Variants in DDAH1 observed in about 807,000 individuals in gnomAD.
The protein encoded by DDAH1 is dimethylarginine dimethylaminohydrolase 1.
A neutral mutation model predicts 28.8 loss-of-function variants in DDAH1; 19 were observed. The ratio of observed to expected loss-of-function variants is 0.66; its 90% CI spans 0.46 to 0.97. The LOEUF (loss-of-function observed/expected upper bound fraction) is 0.97. Ranked by LOEUF, DDAH1 falls within the 50% of genes least tolerant of loss-of-function variation. The pLI, the probability that DDAH1 is intolerant of heterozygous loss-of-function variation, is 0.00. For synonymous variants in DDAH1, 153 were observed against 154.4 expected (o/e 0.99, Z 0.07); for missense variants, 326 against 375.9 (o/e 0.87, Z 1.10).
chr1:85,494,486 G>A (rs1425904216), intron 2 of DDAH1: 2 of 152,170 alleles, frequency 1.3e-5, no homozygotes, highest in African/African-American at 2.4e-5. Context: ...GGAGGGAGAG[G>A]TCATCTAGTG....
chr1:85,362,979 CT>C (rs1200968348), intron 1 of DDAH1, among the ~76,000 whole-genome samples: 2 of 152,264 alleles, frequency 1.3e-5, no homozygotes, highest in East Asian at 3.9e-4. Flanking sequence ...AAAACTCTCC[CT>C]AATATAAAAC....
chr1:85,360,454 CTTG>C, intron 1 of DDAH1, among the ~76,000 whole-genome samples: 1 of 152,188 alleles, frequency 6.6e-6, no homozygotes, highest in Non-Finnish European at 1.5e-5. Context: ...TTTACCATGA[CTTG>C]TTGGGCTACT....
At chr1:85,351,819 G>C (rs1285252722) in intron 2 of DDAH1, among the ~76,000 whole-genome samples, 10 of 152,138 alleles carry the variant, frequency 6.6e-5, no homozygotes, top group Admixed American at 5.2e-4. Context: ...AAGGGTAAAT[G>C]GGGAGTTATT....
At chr1:85,527,839 A>T (rs2100770078) in intron 1 of DDAH1, among the ~76,000 whole-genome samples, 1 of 152,334 alleles carries the variant, frequency 6.6e-6, no homozygotes, top group African/African-American at 2.4e-5. Context: ...ATTTTGAATT[A>T]CATTTTAAAG....
chr1:85,400,172 CTTTTCTTTTTTTTTTTTTTTT>C (rs1431213126), intron 1 of DDAH1, among the ~76,000 whole-genome samples: 5 of 34,230 alleles, frequency 1.5e-4, no homozygotes, highest in Admixed American at 1.2e-3. Flanking sequence ...CCTTTCTTTT[CTTTTCTTTTTTTTTTTTTTTT>C]TTTTTTTTTT....
rs372729975 is a variant in DDAH1, at chr1:85,321,419, G to A, written c.*33C>T. 74 of 1,423,404 alleles carry A rather than the reference G, an allele frequency of 5.2e-5. No individual in the cohort carries two copies. The highest frequency in any genetic ancestry group is 2.7e-4 in the Admixed American group (16 of 59,742). 88.2% of individuals were successfully genotyped at this position (1,423,404 alleles called of 1,614,324 possible). The stretch of plus-strand genomic sequence containing the variant: ...ACAGAGTCATCGGCCTTGCCTGTGC[G>A]GTCTTGCCGGCTACCGGGGGGGACT... On this transcript the variant is annotated 3_prime_UTR_variant, in exon 6 of 6. Transcript: ENST00000284031.
intron 1 of DDAH1, among the ~76,000 whole-genome samples, chr1:85,459,494 A>C (rs1040864744): frequency 3.9e-5 from 6 of 152,202 alleles, no homozygotes; most frequent in Admixed American, 6.5e-5. Flanking sequence ...GGCCATGTAG[A>C]AGAGTCAAAA....
At chr1:85,324,924 C>T (rs772992560) in intron 4 of DDAH1, 41 bp from the exon 5 acceptor site, 2 of 1,605,450 alleles carry the variant, frequency 1.2e-6, no homozygotes, top group South Asian at 1.1e-5. Flanking sequence ...GAGTAACTCC[C>T]CACACTTTCA....
intron 1 of DDAH1, among the ~76,000 whole-genome samples, chr1:85,412,520 C>G (rs1017791869): frequency 1.3e-5 from 2 of 152,202 alleles, no homozygotes; most frequent in African/African-American, 4.8e-5. Flanking sequence ...TTCTTTACTA[C>G]CAATCGGTGT....
chr1:85,465,407 C>G (rs1655335608), upstream of DDAH1, among the ~76,000 whole-genome samples: 1 of 152,010 alleles, frequency 6.6e-6, no homozygotes, highest in Non-Finnish European at 1.5e-5. Context: ...CACCGCTACC[C>G]GGACCTGGCG....
chr1:85,500,323 A>C, intron 1 of DDAH1, among the ~76,000 whole-genome samples: 1 of 127,596 alleles, frequency 7.8e-6, no homozygotes, highest in South Asian at 2.4e-4. Flanking sequence ...TTTTTAAAGG[A>C]TCTTTATCTT....
intron 1 of DDAH1, among the ~76,000 whole-genome samples, chr1:85,436,092 C>T (rs1383194665): frequency 6.6e-6 from 1 of 152,014 alleles, no homozygotes; most frequent in Non-Finnish European, 1.5e-5. Flanking sequence ...CGAGCCACCG[C>T]GCCCAGCCAC....
intron 2 of DDAH1, 142 bp downstream of exon 2, chr1:85,358,606 G>A (rs1051951531): frequency 1.5e-5 from 9 of 598,628 alleles, no homozygotes; most frequent in Admixed American, 3.4e-5. Flanking sequence ...CCAAGATGGC[G>A]CCACTGCACT....
chr1:85,489,220 G>A (rs1656302349), intron 2 of DDAH1, among the ~76,000 whole-genome samples: 3 of 152,186 alleles, frequency 2.0e-5, no homozygotes, highest in African/African-American at 7.2e-5. Flanking sequence ...AAAACAGTAT[G>A]ACCACAAAAT....
At chr1:85,551,195 G>A (rs911374506) in intron 1 of DDAH1, among the ~76,000 whole-genome samples, 6 of 152,162 alleles carry the variant, frequency 3.9e-5, no homozygotes, top group Admixed American at 1.3e-4. Flanking sequence ...GACTACATGG[G>A]GCTGCTCTGC....
chr1:85,432,436 T>C (rs1653728082), intron 1 of DDAH1, among the ~76,000 whole-genome samples: 1 of 152,204 alleles, frequency 6.6e-6, no homozygotes, highest in Admixed American at 6.5e-5. Context: ...TATGCATGCT[T>C]CTAAATATCA....
At chr1:85,416,386 G>C (rs531946594) in intron 1 of DDAH1, among the ~76,000 whole-genome samples, 1 of 152,116 alleles carries the variant, frequency 6.6e-6, no homozygotes, top group South Asian at 2.1e-4. Context: ...GTAGAGACAG[G>C]GTTTCAACAT....
intron 4 of DDAH1, among the ~76,000 whole-genome samples, chr1:85,334,065 G>T (rs944775240): frequency 6.6e-6 from 1 of 152,078 alleles, no homozygotes; most frequent in African/African-American, 2.4e-5. Context: ...CAGGTGTCTA[G>T]GGAGAGACCA....
chr1:85,417,583 G>A (rs543486695), intron 1 of DDAH1, among the ~76,000 whole-genome samples: 1 of 152,268 alleles, frequency 6.6e-6, no homozygotes. Flanking sequence ...ATCAAAGTTG[G>A]AATGTAAATC....
Sources: gnomAD v4.1 joint callset for allele counts (sites outside exome capture counted in the v4.1 genomes callset) on GRCh38, gnomAD v4.1.1 for gene constraint, MANE v1.5 for transcripts, NCBI Gene and HGNC (gene_info 2026-07-23, HGNC 2026-07-21) for gene names.